Variants in ASB2 observed in about 807,000 individuals in gnomAD.
ASB2 encodes ankyrin repeat and SOCS box protein 2.
A neutral mutation model predicts 62.4 loss-of-function variants in ASB2; 58 were observed. The observed-to-expected ratio is 0.93, with a 90% confidence interval of 0.75 to 1.16. The LOEUF (loss-of-function observed/expected upper bound fraction) is 1.16. Ranked by LOEUF, ASB2 falls within the 50% of genes most tolerant of loss-of-function variation. The probability of loss-of-function intolerance (pLI) is 0.00; values close to 1 mark genes in which losing one functional copy is unlikely to be tolerated. For synonymous variants in ASB2, 386 were observed against 385.3 expected (o/e 1.00, Z -0.02); for missense variants, 928 against 887.9 (o/e 1.05, Z -0.57).
At chr14:93,966,630 C>T (rs773290866) in intron 1 of ASB2, among the ~76,000 whole-genome samples, 2 of 152,200 alleles carry the variant, frequency 1.3e-5, no homozygotes, top group Non-Finnish European at 2.9e-5. Flanking sequence ...AATGCTGGGT[C>T]CGCCCACCCT....
intron 1 of ASB2, among the ~76,000 whole-genome samples, chr14:93,966,879 C>T (rs61980695): frequency 6.6e-6 from 1 of 152,140 alleles, no homozygotes; most frequent in Non-Finnish European, 1.5e-5. Flanking sequence ...GAGTTGAGAA[C>T]CCCTGCTCAA....
At chr14:93,948,388 C>G (rs896253862) in intron 6 of ASB2, 2 of 153,816 alleles carry the variant, frequency 1.3e-5, no homozygotes, top group African/African-American at 4.8e-5. Context: ...AGAGGCCTCA[C>G]AGGTCTAGGA....
Position 93,934,770 on chromosome 14 carries a change from G to A in ASB2, c.1794C>T (p.His598=). Residue 598 remains histidine (H), a synonymous_variant, in exon 10 of 10, where the codon CAC becomes CAT. Transcript: ENST00000555019. ...EKAEPPRPLA[H]LCRLRVRKAI... The stretch of plus-strand genomic sequence containing the variant: ...CCTTTCGAACCCGCAGTCGGCAAAG[G>A]TGAGCCAGAGGTCTTGGAGGTTCTG... 1.2e-6 allele frequency: 2 copies of A among 1,613,584 alleles called. No individual in the cohort carries two copies. The highest frequency in any genetic ancestry group is 2.2e-5 in the East Asian group (1 of 44,892).
intron 6 of ASB2, among the ~76,000 whole-genome samples, 189 bp from the exon 7 acceptor site, chr14:93,947,709 G>A (rs1338224270): frequency 6.6e-6 from 1 of 152,114 alleles, no homozygotes; most frequent in Non-Finnish European, 1.5e-5. Context: ...CAAGACCTAG[G>A]GGCCTGGCCA....
chr14:93,963,514 T>C (rs561871481), intron 2 of ASB2, among the ~76,000 whole-genome samples: 20 of 152,184 alleles, frequency 1.3e-4, no homozygotes, highest in Non-Finnish European at 2.2e-4. Flanking sequence ...ACAAAGGAGG[T>C]GTCGTCTAGA....
intron 6 of ASB2, 66 bp from the exon 7 acceptor site, chr14:93,947,586 C>A: frequency 1.9e-6 from 3 of 1,553,400 alleles, no homozygotes; most frequent in South Asian, 2.2e-5. Context: ...CAATGTAACG[C>A]CACCGCGTGG....
chr14:93,950,896 G>A (rs945641039), intron 6 of ASB2, 103 bp downstream of exon 6: 38 of 1,289,388 alleles, frequency 2.9e-5, no homozygotes, highest in Admixed American at 8.4e-5. Flanking sequence ...ATCAGTGTGC[G>A]CACAAGATGA....
intron 7 of ASB2, chr14:93,943,863 G>A (rs1021287204): frequency 8.9e-6 from 4 of 450,426 alleles, no homozygotes; most frequent in African/African-American, 6.0e-5. Context: ...AATGTGTTAA[G>A]TGTTCTCTAT....
chr14:93,972,355 G>A lies in ASB2; in HGVS notation c.-74+4079C>T, dbSNP rs562299632. On this transcript the variant is annotated intron_variant, in intron 1 of 9. Transcript: ENST00000555019. ...ACGCTTCCAGCTGGAGTGCTCGGAG[G>A]TGTAGGACATTGTTCTCTTCCCTTC... 5.9e-5 allele frequency among the ~76,000 whole-genome samples: 9 copies of A among 152,286 alleles called. No individual in the cohort carries two copies. In the South Asian group the frequency reaches 1.7e-3, roughly 28 times the overall value.
At chr14:93,959,549 C>G (rs1462191375) in intron 2 of ASB2, among the ~76,000 whole-genome samples, 2 of 152,236 alleles carry the variant, frequency 1.3e-5, no homozygotes, top group African/African-American at 4.8e-5. Context: ...ACCTCCTGGG[C>G]TGAGTCATCA....
intron 7 of ASB2, chr14:93,944,073 A>G: frequency 2.2e-6 from 1 of 451,388 alleles, no homozygotes; most frequent in South Asian, 1.6e-5. Context: ...GCTGCACAGT[A>G]AAATCTCCCG....
chr14:93,952,386 G>A lies in ASB2; in HGVS notation c.634+966C>T, dbSNP rs923888010. On this transcript the variant is annotated intron_variant, in intron 5 of 9. Coordinates refer to ENST00000555019, the MANE Select transcript of ASB2 (RefSeq NM_001202429.2). ...CCTGGCAGGCACGGATTCCAGGGAA[G>A]ACACTTCCATGGTGGGTCTGCAGCG... Among the ~76,000 whole-genome samples, 7 of 152,336 alleles carry A rather than the reference G, an allele frequency of 4.6e-5. No homozygotes were observed. The East Asian group carries it at 1.4e-3, about 29-fold the overall frequency.
At chr14:93,960,980 T>TAAACAAAC (rs1247526535) in intron 2 of ASB2, among the ~76,000 whole-genome samples, 20 of 143,434 alleles carry the variant, frequency 1.4e-4, no homozygotes, top group African/African-American at 5.4e-4. Context: ...AATAAATAAA[T>TAAACAAAC]AAATAAACAG....
chr14:93,947,414 G>A lies in ASB2; in HGVS notation c.987C>T (p.Asp329=), dbSNP rs149110212. 3.7e-6 allele frequency: 6 copies of A among 1,614,116 alleles called. No homozygotes were observed. The highest frequency in any genetic ancestry group is 2.2e-5 in the East Asian group (1 of 44,898). ...AGCCGTCCTTGTTGGTCTTGTTGGC[G>A]TCGGCACCCTGTGACAGCAGAAACT... is the stretch of plus-strand genomic sequence containing the variant. ...VVEFLLSQGA[D]ANKTNKDGLL... The change falls in exon 7 of 10, where the codon GAC becomes GAT. Residue 329 remains aspartate (D), a synonymous_variant. Transcript: ENST00000555019.
At chr14:93,937,463 CTG>C (rs1888309782) in intron 9 of ASB2, among the ~76,000 whole-genome samples, 2 of 152,228 alleles carry the variant, frequency 1.3e-5, no homozygotes, top group South Asian at 2.1e-4. Context: ...CGGAGAGACT[CTG>C]GGGTTGGTCA....
chr14:93,966,836 A>C (rs1889608301), intron 1 of ASB2, among the ~76,000 whole-genome samples: 1 of 152,164 alleles, frequency 6.6e-6, no homozygotes, highest in African/African-American at 2.4e-5. Context: ...ATGCAATGCT[A>C]GAGGCTTCTC....
intron 2 of ASB2, among the ~76,000 whole-genome samples, chr14:93,957,913 G>A (rs989135567): frequency 6.6e-6 from 1 of 152,134 alleles, no homozygotes; most frequent in Admixed American, 6.5e-5. Context: ...ACTCTTCTGG[G>A]GGGGATTGGG....
In ASB2 at chr14:93,941,500, A is replaced by G. The variant is rs1221893290; in HGVS notation, c.1053-1828T>C. On this transcript the variant is annotated intron_variant, in intron 7 of 9. Coordinates refer to ENST00000555019, the MANE Select transcript of ASB2 (RefSeq NM_001202429.2). ...TGTGTTTGGCTAAAATCTGACTCTA[A>G]AACCTCAAAAGGAAATTCACACACC... 3 of 368,474 alleles carry G rather than the reference A, an allele frequency of 8.1e-6. No homozygotes were observed. In the Admixed American group the frequency reaches 1.0e-4, roughly 13 times the overall value. The allele number at this position is 368,474 out of a possible 1,614,324, so 22.8% of individuals were successfully genotyped here. A position where few individuals can be genotyped will look rare whatever the true frequency, so the allele number is the denominator to read the frequency against.
chr14:93,968,703 T>G (rs1051924542), intron 1 of ASB2, among the ~76,000 whole-genome samples: 16 of 152,204 alleles, frequency 1.1e-4, no homozygotes, highest in African/African-American at 3.9e-4. Context: ...GGGTTTAACC[T>G]TGACAGGACC....
Sources: allele counts gnomAD v4.1 joint callset (sites outside exome capture counted in the v4.1 genomes callset), GRCh38; gene constraint gnomAD v4.1.1; transcripts MANE v1.5; gene names NCBI Gene and HGNC (gene_info 2026-07-23, HGNC 2026-07-21).